ANK3: variants seen among roughly 807,000 people sequenced by gnomAD.
The protein encoded by ANK3 is ankyrin 3.
Under a neutral mutation model 370.9 loss-of-function variants are expected in ANK3, and 57 were observed. The ratio of observed to expected loss-of-function variants is 0.15; its 90% CI spans 0.12 to 0.19. ANK3 has a LOEUF of 0.19. ANK3 is among the 10% of genes least tolerant of loss of function. The pLI is 1.00. For synonymous variants in ANK3, 1,929 were observed against 1,946.3 expected (o/e 0.99, Z 0.23); for missense variants, 4,439 against 5,302.1 (o/e 0.84, Z 5.06).
intron 10 of ANK3, 38 bp from the exon 11 acceptor site, chr10:60,205,928 T>A (rs2096755948): frequency 2.3e-6 from 3 of 1,302,478 alleles, no homozygotes; most frequent in Admixed American, 3.4e-5. Context: ...TTGACTACAT[T>A]CCATCAAAAT....
At chr10:60,320,563 C>T (rs2048405708) in intron 1 of ANK3, among the ~76,000 whole-genome samples, 2 of 152,238 alleles carry the variant, frequency 1.3e-5, no homozygotes, top group South Asian at 4.2e-4. Context: ...TGTGCTACTG[C>T]ACTCCAGTCT....
At chr10:60,550,726 C>A (rs937882012) in intron 2 of ANK3, among the ~76,000 whole-genome samples, 2 of 152,010 alleles carry the variant, frequency 1.3e-5, no homozygotes, top group Non-Finnish European at 2.9e-5. Flanking sequence ...ATGAACACAG[C>A]GCATTCTGGC....
chr10:60,610,899 C>A (rs1337895033), intron 2 of ANK3, among the ~76,000 whole-genome samples: 1 of 152,040 alleles, frequency 6.6e-6, no homozygotes, highest in Non-Finnish European at 1.5e-5. Flanking sequence ...TGCTTTGTGT[C>A]AGCATGAGAT....
chr10:60,383,874 CTGAGCTTCAATAGCAAGAAATA>C lies in ANK3; in HGVS notation c.114+5529_114+5550del, dbSNP rs374310299. 2.4e-3 allele frequency among the ~76,000 whole-genome samples: 371 copies of C among 152,286 alleles called. 2 individuals are homozygous for C. Among genetic ancestry groups the C allele is most frequent in the Middle Eastern group, 0.02 (6 of 294 alleles). Reference sequence around the variant, plus strand: ...AAAGCCTGTAAAACATCAGGAAGCACTGAGCTTCAATAGCAAGAAATAACAGTATAGTTCATGTCTTTAAAAA... The same window carrying C: ...AAAGCCTGTAAAACATCAGGAAGCACACAGTATAGTTCATGTCTTTAAAAA... On this transcript the variant is annotated intron_variant, in intron 1 of 43. Transcript: ENST00000280772.
At chr10:60,154,541 C>T (rs1432151510) in intron 23 of ANK3, among the ~76,000 whole-genome samples, 1 of 152,182 alleles carries the variant, frequency 6.6e-6, no homozygotes, top group Non-Finnish European at 1.5e-5. Flanking sequence ...CGCCTGTAAT[C>T]CCAACACTTT....
intron 38 of ANK3, 23 bp downstream of exon 38, chr10:60,067,912 C>A: frequency 6.4e-7 from 1 of 1,550,630 alleles, no homozygotes; most frequent in Non-Finnish European, 8.8e-7. Flanking sequence ...TAATTTGTTC[C>A]ATTCAGGAGT....
chr10:60,418,176 T>C (rs2063707979), intron 2 of ANK3, among the ~76,000 whole-genome samples: 1 of 152,170 alleles, frequency 6.6e-6, no homozygotes, highest in Non-Finnish European at 1.5e-5. Flanking sequence ...TGATATGCAC[T>C]GTCCAGGTCA....
chr10:60,276,970 A>G (rs1275363069), intron 4 of ANK3, among the ~76,000 whole-genome samples: 1 of 152,222 alleles, frequency 6.6e-6, no homozygotes. Flanking sequence ...ACTTGTTGCT[A>G]TTCAATTTTA....
At chr10:60,549,427 A>G (rs2133229857) in intron 2 of ANK3, among the ~76,000 whole-genome samples, 1 of 152,324 alleles carries the variant, frequency 6.6e-6, no homozygotes, top group African/African-American at 2.4e-5. Context: ...TATAAATACT[A>G]TAACACAACA....
At chr10:60,315,413 T>A (rs182329071) in intron 1 of ANK3, among the ~76,000 whole-genome samples, 10 of 152,254 alleles carry the variant, frequency 6.6e-5, no homozygotes, top group Admixed American at 6.5e-4. Flanking sequence ...GTAAATGCAA[T>A]GACCCTTCCA....
At chr10:60,352,504 AG>A (rs1391321671) in intron 1 of ANK3, among the ~76,000 whole-genome samples, 1 of 152,172 alleles carries the variant, frequency 6.6e-6, no homozygotes, top group Non-Finnish European at 1.5e-5. Context: ...AGCACTTAGA[AG>A]TTCAAGTTAA....
At chr10:60,087,956 T>G (rs1028727684) in intron 29 of ANK3, among the ~76,000 whole-genome samples, 191 bp downstream of exon 29, 3 of 152,190 alleles carry the variant, frequency 2.0e-5, no homozygotes, top group Non-Finnish European at 4.4e-5. Flanking sequence ...AACCCTAAAA[T>G]ATGTACCTTA....
chr10:60,704,730 T>C (rs373335545), intron 1 of ANK3, among the ~76,000 whole-genome samples: 1 of 152,216 alleles, frequency 6.6e-6, no homozygotes, highest in East Asian at 1.9e-4. Context: ...GATTTCAAAT[T>C]CATTTTAATT....
At chr10:60,260,502 G>A (rs866015336) in intron 7 of ANK3, among the ~76,000 whole-genome samples, 2 of 152,138 alleles carry the variant, frequency 1.3e-5, no homozygotes, top group Admixed American at 6.6e-5. Context: ...CAAATGCTAC[G>A]TTCAAAATAA....
chr10:60,341,009 C>T (rs1447042557), intron 1 of ANK3, among the ~76,000 whole-genome samples: 1 of 152,116 alleles, frequency 6.6e-6, no homozygotes. Flanking sequence ...TATTTGACTC[C>T]AGTGCAGAAC....
At chr10:60,212,166 AT>A (rs1402510029) in intron 9 of ANK3, among the ~76,000 whole-genome samples, 2 of 152,196 alleles carry the variant, frequency 1.3e-5, no homozygotes, top group Non-Finnish European at 2.9e-5. Context: ...GAGAAAAAAT[AT>A]GAGCAACTCT....
At chr10:60,101,376 T>C (rs2091234397) in intron 28 of ANK3, among the ~76,000 whole-genome samples, 1 of 152,152 alleles carries the variant, frequency 6.6e-6, no homozygotes, top group African/African-American at 2.4e-5. Context: ...CTCTTTGGGG[T>C]CTGACTTTGG....
chr10:60,429,328 G>A (rs2063961550), intron 2 of ANK3, among the ~76,000 whole-genome samples: 1 of 151,940 alleles, frequency 6.6e-6, no homozygotes, highest in Non-Finnish European at 1.5e-5. Flanking sequence ...AAGAAAGAAA[G>A]GAAGTAAAAG....
rs1263018291 is a variant in ANK3, at chr10:60,557,977, T to G, written c.96+57209A>C. Among the ~76,000 whole-genome samples the G allele has an allele frequency of 2.0e-5, 3 of 152,266 alleles. No individual in the cohort carries two copies. In the East Asian group the frequency reaches 5.8e-4, roughly 29 times the overall value. ...AAAATACAAAAACTAGAACACAAATTAGTAAACAAGGTGGCTGTATTGTTA... is the reference window on the plus strand; with the variant it reads ...AAAATACAAAAACTAGAACACAAATGAGTAAACAAGGTGGCTGTATTGTTA... On this transcript the variant is annotated intron_variant, in intron 2 of 43. Coordinates refer to the ANK3 transcript ENST00000373827.
Sources: gnomAD v4.1 joint callset for allele counts (sites outside exome capture counted in the v4.1 genomes callset) on GRCh38, gnomAD v4.1.1 for gene constraint, MANE v1.5 for transcripts, NCBI Gene and HGNC (gene_info 2026-07-23, HGNC 2026-07-21) for gene names.